The following NRP1 variants were observed in gnomAD, a reference collection of about 807,000 sequenced individuals.
The protein encoded by NRP1 is neuropilin-1.
NRP1 carries 35 observed loss-of-function variants against 106.7 expected under a neutral mutation model. The observed-to-expected ratio is 0.33, with a 90% CI of 0.25 to 0.43. The LOEUF is 0.43. Among genes scored for constraint, NRP1 ranks in the 20% least tolerant of loss-of-function variants. NRP1 has a pLI of 1.00. For synonymous variants in NRP1, 437 were observed against 417.9 expected (o/e 1.05, Z -0.56); for missense variants, 1,024 against 1,170.4 (o/e 0.87, Z 1.83).
At chr10:33,281,037 T>C (rs1588911234) in intron 2 of NRP1, among the ~76,000 whole-genome samples, 1 of 141,420 alleles carries the variant, frequency 7.1e-6, no homozygotes, top group Admixed American at 7.2e-5. Context: ...TCTGCTCCAC[T>C]CCCTGCAGCC....
At chr10:33,202,712 C>G (rs993524762) in intron 11 of NRP1, 179 bp downstream of exon 11, 2 of 1,552,410 alleles carry the variant, frequency 1.3e-6, no homozygotes, top group Non-Finnish European at 1.7e-6. Flanking sequence ...CTATTAAGAA[C>G]AACTCATCTA....
At chr10:33,207,263 C>T (rs1366827281) in intron 10 of NRP1, among the ~76,000 whole-genome samples, 1 of 152,030 alleles carries the variant, frequency 6.6e-6, no homozygotes, top group African/African-American at 2.4e-5. Flanking sequence ...AGTTGTTCCC[C>T]TTCAAGAGGT....
At chr10:33,250,141 T>C (rs181854009) in intron 6 of NRP1, among the ~76,000 whole-genome samples, 21 of 152,288 alleles carry the variant, frequency 1.4e-4, no homozygotes, top group Admixed American at 1.3e-3. Flanking sequence ...AATAGAAATG[T>C]ATGTGTGCTA....
chr10:33,330,261 G>GC (rs1308891632), intron 2 of NRP1, among the ~76,000 whole-genome samples: 1 of 152,060 alleles, frequency 6.6e-6, no homozygotes, highest in Non-Finnish European at 1.5e-5. Context: ...CATAAGATGT[G>GC]CCACAGTTCA....
At chr10:33,314,001 T>C (rs1407356302) in intron 2 of NRP1, among the ~76,000 whole-genome samples, 1 of 134,424 alleles carries the variant, frequency 7.4e-6, no homozygotes. Flanking sequence ...CTCCCTCCTT[T>C]CGTTTTCCTT....
intron 16 of NRP1, 100 bp from the exon 17 acceptor site, chr10:33,180,465 C>A (rs976171848): frequency 3.1e-5 from 38 of 1,217,820 alleles, no homozygotes; most frequent in African/African-American, 4.6e-5. Flanking sequence ...AAATCACACA[C>A]CCCAGTTTTG....
chr10:33,306,547 G>A (rs1320558794), intron 2 of NRP1, among the ~76,000 whole-genome samples: 1 of 152,180 alleles, frequency 6.6e-6, no homozygotes, highest in East Asian at 1.9e-4. Context: ...TCTTATCCCT[G>A]TGGTCAGTTT....
intron 2 of NRP1, among the ~76,000 whole-genome samples, chr10:33,293,757 G>A (rs1429814731): frequency 6.6e-6 from 1 of 152,174 alleles, no homozygotes. Flanking sequence ...ACACACACAC[G>A]TGCTCAAAAC....
chr10:33,264,392 A>G (rs559900449), intron 3 of NRP1, among the ~76,000 whole-genome samples: 73 of 152,318 alleles, frequency 4.8e-4, no homozygotes, highest in Non-Finnish European at 8.2e-4. Flanking sequence ...GTGAAAGGTA[A>G]TTCGTACATG....
At chr10:33,221,202 C>T (rs751093905) in intron 8 of NRP1, among the ~76,000 whole-genome samples, 1 of 152,094 alleles carries the variant, frequency 6.6e-6, no homozygotes, top group African/African-American at 2.4e-5. Context: ...CAGAGCAAGA[C>T]CCTGTCTCAA....
chr10:33,226,119 G>C lies in NRP1; in HGVS notation c.1137+15C>G. The C allele has an allele frequency of 6.2e-7, 1 of 1,612,952 alleles. No individual in the cohort carries two copies. Among genetic ancestry groups the C allele is most frequent in the Non-Finnish European group, 8.5e-7 (1 of 1,179,180 alleles). ...AAAAGACCAAATTGGTTGCCACGGT[G>C]GCAGCCTAACTTACAACAGGTTTGT... On this transcript the variant is annotated intron_variant, in intron 7 of 16. Transcript: ENST00000374867.
At chr10:33,248,975 T>C (rs1254578658) in intron 6 of NRP1, among the ~76,000 whole-genome samples, 1 of 152,172 alleles carries the variant, frequency 6.6e-6, no homozygotes, top group Admixed American at 6.5e-5. Context: ...CCGAGTTGGT[T>C]TGTCAAGTAA....
chr10:33,331,666 T>C (rs1848296233), intron 1 of NRP1, among the ~76,000 whole-genome samples: 1 of 152,186 alleles, frequency 6.6e-6, no homozygotes, highest in Non-Finnish European at 1.5e-5. Flanking sequence ...TCTCACATTC[T>C]GGGAAAGGTG....
intron 15 of NRP1, among the ~76,000 whole-genome samples, 184 bp downstream of exon 15, chr10:33,185,444 G>A (rs1835939046): frequency 6.6e-6 from 1 of 152,144 alleles, no homozygotes; most frequent in South Asian, 2.1e-4. Flanking sequence ...GTAGGTGACG[G>A]GGCAGACACA....
chr10:33,297,968 T>C (rs927785378), intron 2 of NRP1, among the ~76,000 whole-genome samples: 2 of 152,134 alleles, frequency 1.3e-5, no homozygotes, highest in African/African-American at 4.8e-5. Context: ...TAGTGCCACA[T>C]TTTCCTGTTG....
intron 15 of NRP1, 25 bp downstream of exon 15, chr10:33,185,603 G>T: frequency 6.5e-7 from 1 of 1,542,510 alleles, no homozygotes; most frequent in Non-Finnish European, 9.0e-7. Flanking sequence ...GCACTCCATT[G>T]GTTTCTACAG....
intron 2 of NRP1, among the ~76,000 whole-genome samples, chr10:33,321,018 G>A (rs959864928): frequency 6.6e-6 from 1 of 152,118 alleles, no homozygotes; most frequent in African/African-American, 2.4e-5. Context: ...ACAGAGTCTC[G>A]CTGTGATGTC....
intron 6 of NRP1, among the ~76,000 whole-genome samples, chr10:33,251,447 C>G (rs1841850497): frequency 1.3e-5 from 2 of 152,190 alleles, no homozygotes; most frequent in South Asian, 4.1e-4. Context: ...CGCTGTCCCC[C>G]AAGTCTGGGT....
chr10:33,298,253 C>A (rs1588948135), intron 2 of NRP1, among the ~76,000 whole-genome samples: 1 of 152,228 alleles, frequency 6.6e-6, no homozygotes, highest in Middle Eastern at 3.4e-3. Context: ...ATCAGGTAGA[C>A]CTCTGTCATC....
Sources: gnomAD v4.1 joint callset for allele counts (sites outside exome capture counted in the v4.1 genomes callset) on GRCh38, gnomAD v4.1.1 for gene constraint, MANE v1.5 for transcripts, NCBI Gene and HGNC (gene_info 2026-07-23, HGNC 2026-07-21) for gene names.